The following ZNF789 variants were observed in gnomAD, a reference collection of about 807,000 sequenced individuals.
ZNF789 encodes zinc finger protein 789.
A neutral mutation model predicts 15.6 loss-of-function variants in ZNF789; 11 were observed. The ratio of observed to expected loss-of-function variants is 0.70; its 90% CI spans 0.44 to 1.16. ZNF789 has a LOEUF of 1.16. Among genes scored for constraint, ZNF789 ranks in the 50% most tolerant of loss-of-function variants. The pLI is 0.00. For synonymous variants in ZNF789, 159 were observed against 176.0 expected (o/e 0.90, Z 0.76); for missense variants, 461 against 512.6 (o/e 0.90, Z 0.97).
intron 4 of ZNF789, chr7:99,485,171 A>G (rs1012018060): frequency 2.0e-6 from 3 of 1,534,640 alleles, no homozygotes; most frequent in Non-Finnish European, 1.7e-6. Context: ...ATTTCCTGAC[A>G]TATCTGCATT....
chr7:99,479,444 T>G, intron 2 of ZNF789: 1 of 419,002 alleles, frequency 2.4e-6, no homozygotes. Context: ...ATCTGGCCCT[T>G]TAGAGATTAA....
chr7:99,474,890 C>T (rs1227013410), intron 1 of ZNF789, among the ~76,000 whole-genome samples: 1 of 151,654 alleles, frequency 6.6e-6, no homozygotes, highest in Non-Finnish European at 1.5e-5. Context: ...GAGACTGAGG[C>T]AGGAGCATTG....
In ZNF789 at chr7:99,487,049, C is replaced by T. The variant is rs1263412953; in HGVS notation, c.839C>T (p.Thr280Ile). ...AYLVEHKRIH[T>I]KEKPYKCSKC... ...CTTGTTGAACATAAGAGGATTCACA[C>T]CAAAGAAAAACCTTATAAATGTAGC... is the stretch of plus-strand genomic sequence containing the variant. The change falls in exon 5 of 5, where the codon ACC (threonine) becomes ATC (isoleucine). Residue 280 changes from threonine (T) to isoleucine (I), a missense_variant. By Grantham distance (89) the Thr-to-Ile change is moderately conservative. Transcript: ENST00000331410. 3.7e-6 allele frequency: 6 copies of T among 1,613,834 alleles called. No homozygotes were observed. In the African/African-American group the frequency reaches 8.0e-5, roughly 22 times the overall value.
intron 1 of ZNF789, among the ~76,000 whole-genome samples, chr7:99,474,992 AG>A (rs1171460068): frequency 6.6e-6 from 1 of 152,104 alleles, no homozygotes; most frequent in Non-Finnish European, 1.5e-5. Context: ...AAAAAAAAAA[AG>A]AAAGGCAAAG....
At position 99,487,355 on chromosome 7, in the gene ZNF789, G is replaced by A; in HGVS notation, c.1145G>A (p.Arg382Lys). 6.2e-7 allele frequency: 1 copy of A among 1,614,220 alleles called. No individual in the cohort carries two copies. The highest frequency in any genetic ancestry group is 1.6e-4 in the Middle Eastern group (1 of 6,062). Residue 382 changes from arginine (R) to lysine (K), a missense_variant, in exon 5 of 5, where the codon AGG (arginine) becomes AAG (lysine). By Grantham distance (26) the Arg-to-Lys change is conservative. Coordinates refer to ENST00000331410, the MANE Select transcript of ZNF789 (RefSeq NM_213603.3). The stretch of plus-strand genomic sequence containing the variant: ...TGTGGGAAAACGTTTAGTTTTAAGA[G>A]GAATCTTTTTCGACATCAGGTCATT... ...GECGKTFSFK[R>K]NLFRHQVIHT...
In ZNF789 at chr7:99,487,469, A is replaced by G; in HGVS notation, c.1259A>G (p.Lys420Arg). 1 of 1,612,356 alleles carries G rather than the reference A, an allele frequency of 6.2e-7. No homozygotes were observed. The highest frequency in any genetic ancestry group is 8.5e-7 in the Non-Finnish European group (1 of 1,178,916). Reference sequence around the variant, plus strand: ...TTTATTAAGCACCAGGGCACTCACAAAGGACAGATATCCACATGATGTTAA... The same window carrying G: ...TTTATTAAGCACCAGGGCACTCACAGAGGACAGATATCCACATGATGTTAA... ...TSFIKHQGTH[K>R]GQIST Residue 420 changes from lysine to arginine, a missense_variant, in exon 5 of 5, where the codon AAA becomes AGA. Lys to Arg is a conservative substitution (Grantham distance 26, BLOSUM62 2). Transcript: ENST00000331410.
chr7:99,475,030 G>A (rs986160224), intron 1 of ZNF789, among the ~76,000 whole-genome samples: 1 of 152,092 alleles, frequency 6.6e-6, no homozygotes. Flanking sequence ...TTCAGGGAAG[G>A]TGAACTGTGT....
chr7:99,482,394 G>C (rs1212388436), intron 3 of ZNF789: 1 of 622,844 alleles, frequency 1.6e-6, no homozygotes. Context: ...CCTGCGTTTT[G>C]ACTGCCACTG....
At chr7:99,476,706 G>A (rs911543592) in intron 2 of ZNF789, among the ~76,000 whole-genome samples, 5 of 152,240 alleles carry the variant, frequency 3.3e-5, no homozygotes, top group African/African-American at 1.2e-4. Context: ...ATCACAGCGA[G>A]TTGTGAAGAT....
At chr7:99,481,567 C>G (rs1057090789) in intron 3 of ZNF789, 1 of 152,790 alleles carries the variant, frequency 6.5e-6, no homozygotes, top group Non-Finnish European at 1.5e-5. Context: ...AAGTGATTCT[C>G]CTGCCTCAGA....
At chr7:99,480,109 T>G (rs1048029371) in intron 3 of ZNF789, 4 of 344,812 alleles carry the variant, frequency 1.2e-5, no homozygotes, top group Non-Finnish European at 2.1e-5. Flanking sequence ...GTGGATCACA[T>G]GAGGTCAGTA....
At position 99,479,777 on chromosome 7, in the gene ZNF789, G is replaced by A. The variant is rs745311386; in HGVS notation, c.141G>A (p.Met47Ile). ...TGATGTTGGAGAACTACAGGAACAT[G>A]GTCTTGCTGGGTAGGACACGGCTTG... Reference protein sequence around the residue: ...RDVMLENYRNMVLLGFQFPKP... With the variant: ...RDVMLENYRNIVLLGFQFPKP... The change falls in exon 3 of 5, where the codon ATG becomes ATA. Residue 47 changes from methionine to isoleucine, a missense_variant. Physicochemically the swap from Met to Ile is conservative, Grantham distance 10. Transcript: ENST00000331410. The A allele has an allele frequency of 3.7e-6, 6 of 1,613,440 alleles. No homozygotes were observed. In the Admixed American group the frequency reaches 8.3e-5, roughly 22 times the overall value.
At chr7:99,479,091 G>A (rs1327363011) in intron 2 of ZNF789, 2 of 152,324 alleles carry the variant, frequency 1.3e-5, no homozygotes, top group Non-Finnish European at 2.9e-5. Flanking sequence ...CAGGACCTGC[G>A]AGCTTCCACA....
At chr7:99,482,104 C>G in intron 3 of ZNF789, 1 of 779,488 alleles carries the variant, frequency 1.3e-6, no homozygotes, top group Non-Finnish European at 2.4e-6. Context: ...TCATATACAC[C>G]TTAGACATGT....
In ZNF789 at chr7:99,481,970, C is replaced by T. The variant is rs528269888; in HGVS notation, c.152-2060C>T. ...ATGTGTCTATTACAGGGAAAGAATC[C>T]CTTATCCAAAATGCTGGGGACCAAA... On this transcript the variant is annotated intron_variant, in intron 3 of 4. Coordinates refer to ENST00000331410, the MANE Select transcript of ZNF789 (RefSeq NM_213603.3). 5.2e-5 allele frequency: 31 copies of T among 591,646 alleles called. No homozygotes were observed. In the East Asian group the frequency reaches 8.5e-4, roughly 16 times the overall value. 36.6% of individuals were successfully genotyped at this position (591,646 alleles called of 1,614,324 possible).
In ZNF789 at chr7:99,476,471, C is replaced by A; in HGVS notation, c.15C>A (p.Ala5=). 7.4e-6 allele frequency: 12 copies of A among 1,612,194 alleles called. No homozygotes were observed. Among genetic ancestry groups the A allele is most frequent in the Non-Finnish European group, 1.0e-5 (12 of 1,179,344 alleles). ...CCGTGGAAGCCATGTTCCCACCAGC[C>A]AGGGGGAAGGTGAGCTGTGCCTCCC... is the stretch of plus-strand genomic sequence containing the variant. MFPP[A]RGKELLSFED... The change falls in exon 2 of 5, where the codon GCC becomes GCA. Residue 5 remains alanine, a synonymous_variant. Transcript: ENST00000331410.
At chr7:99,482,370 CTG>C (rs1799685508) in intron 3 of ZNF789, 4 of 668,500 alleles carry the variant, frequency 6.0e-6, no homozygotes, top group African/African-American at 1.8e-5. Context: ...GCTGAATTAA[CTG>C]TGTGTTGTGC....
chr7:99,474,460 G>A (rs546815249), intron 1 of ZNF789, among the ~76,000 whole-genome samples: 2 of 152,216 alleles, frequency 1.3e-5, no homozygotes, highest in East Asian at 3.9e-4. Flanking sequence ...GGGGCGTGGT[G>A]GCGGGCGCCT....
At chr7:99,485,547 C>T (rs1799887927) in intron 4 of ZNF789, among the ~76,000 whole-genome samples, 1 of 152,160 alleles carries the variant, frequency 6.6e-6, no homozygotes, top group Admixed American at 6.6e-5. Context: ...AAACGTGTAT[C>T]TAGGCCGGGT....
Sources: gnomAD v4.1 joint callset for allele counts (sites outside exome capture counted in the v4.1 genomes callset) on GRCh38, gnomAD v4.1.1 for gene constraint, MANE v1.5 for transcripts, NCBI Gene and HGNC (gene_info 2026-07-23, HGNC 2026-07-21) for gene names.